Variants in WWOX observed in about 807,000 individuals in gnomAD.
WWOX encodes WW domain-containing oxidoreductase.
In WWOX, 69 loss-of-function variants were observed where a neutral mutation model predicts 46.2. The observed-to-expected ratio is 1.49, with a 90% CI of 1.23 to 1.82. The LOEUF (loss-of-function observed/expected upper bound fraction) is 1.82. WWOX is among the 40% of genes most tolerant of loss of function. The pLI is 0.00. For missense variants in WWOX, 919 were observed against 542.6 expected, an observed-to-expected ratio of 1.69 and a Z score of -6.89; for synonymous variants, 359 against 202.6, an observed-to-expected ratio of 1.77 and a Z score of -6.56.
chr16:78,347,388 G>C (rs539178971), intron 5 of WWOX, among the ~76,000 whole-genome samples: 1 of 117,596 alleles, frequency 8.5e-6, no homozygotes, highest in East Asian at 1.9e-4. Flanking sequence ...TCTGTCCATG[G>C]TGTTGGTCCC....
At chr16:78,457,385 A>T (rs529868346) in intron 8 of WWOX, among the ~76,000 whole-genome samples, 1 of 152,196 alleles carries the variant, frequency 6.6e-6, no homozygotes, top group African/African-American at 2.4e-5. Context: ...AGGTCTTTAG[A>T]TAGAGAGCTG....
At chr16:78,635,232 C>G (rs574452985) in intron 8 of WWOX, among the ~76,000 whole-genome samples, 2 of 152,132 alleles carry the variant, frequency 1.3e-5, no homozygotes, top group East Asian at 3.9e-4. Context: ...GAATTAGATG[C>G]GTGAGACCCT....
intron 8 of WWOX, among the ~76,000 whole-genome samples, chr16:78,479,552 G>C (rs891032110): frequency 2.0e-5 from 3 of 152,218 alleles, no homozygotes; most frequent in African/African-American, 7.2e-5. Context: ...TATAGAATAA[G>C]ATATTTTCAT....
At chr16:78,239,376 T>G (rs2037550725) in intron 5 of WWOX, among the ~76,000 whole-genome samples, 1 of 152,174 alleles carries the variant, frequency 6.6e-6, no homozygotes, top group East Asian at 1.9e-4. Flanking sequence ...AGAGCCTCAT[T>G]CATGCTGAGA....
intron 8 of WWOX, among the ~76,000 whole-genome samples, chr16:78,814,740 A>C (rs756479973): frequency 4.9e-4 from 74 of 152,198 alleles, no homozygotes; most frequent in Non-Finnish European, 9.0e-4. Flanking sequence ...TGTAACAACT[A>C]ATGTGACATG....
At chr16:78,990,822 T>C (rs2046873361) in intron 8 of WWOX, among the ~76,000 whole-genome samples, 1 of 152,120 alleles carries the variant, frequency 6.6e-6, no homozygotes, top group Non-Finnish European at 1.5e-5. Context: ...CCTCAGTCTT[T>C]CTGGACTGAA....
chr16:78,363,835 A>G (rs1037264230), intron 5 of WWOX, among the ~76,000 whole-genome samples: 12 of 152,252 alleles, frequency 7.9e-5, no homozygotes, highest in African/African-American at 2.9e-4. Context: ...GAGAGCAGGA[A>G]CTTGCCCGAG....
intron 8 of WWOX, among the ~76,000 whole-genome samples, chr16:78,466,794 G>C (rs1266705019): frequency 1.3e-5 from 2 of 152,152 alleles, no homozygotes; most frequent in African/African-American, 4.8e-5. Flanking sequence ...GTTGCAGTGA[G>C]CCGATATCTC....
chr16:78,160,211 C>G (rs1322340235), intron 4 of WWOX, among the ~76,000 whole-genome samples: 3 of 151,782 alleles, frequency 2.0e-5, no homozygotes, highest in African/African-American at 7.3e-5. Context: ...GGAGCAAGAT[C>G]TCACTCTGTC....
chr16:79,042,082 C>T (rs1398702288), intron 8 of WWOX, among the ~76,000 whole-genome samples: 1 of 152,134 alleles, frequency 6.6e-6, no homozygotes, highest in Non-Finnish European at 1.5e-5. Context: ...CTACCATGTT[C>T]CAGGTGCCTG....
At chr16:78,794,741 C>T (rs1013563730) in intron 8 of WWOX, among the ~76,000 whole-genome samples, 6 of 152,196 alleles carry the variant, frequency 3.9e-5, no homozygotes, top group Non-Finnish European at 8.8e-5. Flanking sequence ...CAGAGTGATG[C>T]TGTGGCTGGA....
At chr16:78,921,475 A>T (rs775190919) in intron 8 of WWOX, among the ~76,000 whole-genome samples, 4 of 152,244 alleles carry the variant, frequency 2.6e-5, no homozygotes, top group African/African-American at 9.6e-5. Context: ...TTAATATCCT[A>T]TAATTGAAAA....
intron 5 of WWOX, among the ~76,000 whole-genome samples, chr16:78,372,512 A>T (rs543032991): frequency 6.6e-6 from 1 of 152,304 alleles, no homozygotes; most frequent in South Asian, 2.1e-4. Context: ...CCTTGTAGTA[A>T]GAGAGCATTC....
intron 8 of WWOX, among the ~76,000 whole-genome samples, chr16:78,954,181 G>A (rs2046119167): frequency 6.6e-6 from 1 of 152,160 alleles, no homozygotes; most frequent in Non-Finnish European, 1.5e-5. Context: ...TCTTTAGATG[G>A]ATGGGTGGAT....
At chr16:79,127,265 A>G (rs1350742100) in intron 8 of WWOX, among the ~76,000 whole-genome samples, 1 of 152,020 alleles carries the variant, frequency 6.6e-6, no homozygotes, top group Non-Finnish European at 1.5e-5. Context: ...TTAGCACCTA[A>G]TTCCTCTTCT....
At chr16:79,084,960 C>T (rs1384071901) in intron 8 of WWOX, among the ~76,000 whole-genome samples, 2 of 152,088 alleles carry the variant, frequency 1.3e-5, no homozygotes, top group Non-Finnish European at 2.9e-5. Flanking sequence ...ACACAGTTGT[C>T]TGTCTCCCAG....
chr16:78,281,735 C>T (rs965376747), intron 5 of WWOX, among the ~76,000 whole-genome samples: 3 of 152,064 alleles, frequency 2.0e-5, no homozygotes, highest in Admixed American at 2.0e-4. Flanking sequence ...CCCCCCGCCC[C>T]CAACCATTTA....
At chr16:78,553,133 G>C (rs754189901) in intron 8 of WWOX, 1 of 152,268 alleles carries the variant, frequency 6.6e-6, no homozygotes, top group African/African-American at 2.4e-5. Flanking sequence ...TGAGGAGTGG[G>C]GTTGGGGGAG....
At chr16:78,911,038 T>C (rs1477475220) in intron 8 of WWOX, among the ~76,000 whole-genome samples, 1 of 152,024 alleles carries the variant, frequency 6.6e-6, no homozygotes, top group African/African-American at 2.4e-5. Context: ...AAAATGGCTT[T>C]CCCACAGCCT....
Sources: gnomAD v4.1 joint callset for allele counts (sites outside exome capture counted in the v4.1 genomes callset) on GRCh38, gnomAD v4.1.1 for gene constraint, MANE v1.5 for transcripts, NCBI Gene and HGNC (gene_info 2026-07-23, HGNC 2026-07-21) for gene names.